Variants in KLHL6 observed in about 807,000 individuals in gnomAD.
The protein encoded by KLHL6 is kelch-like protein 6.
A neutral mutation model predicts 58.6 loss-of-function variants in KLHL6; 41 were observed. That is an observed-to-expected ratio of 0.70 (90% CI 0.55 to 0.91). The LOEUF (loss-of-function observed/expected upper bound fraction) is 0.91. Among genes scored for constraint, KLHL6 ranks in the 40% least tolerant of loss-of-function variants. KLHL6 has a pLI of 0.00. For synonymous variants in KLHL6, 338 were observed against 322.7 expected (o/e 1.05, Z -0.51); for missense variants, 714 against 805.6 (o/e 0.89, Z 1.38).
intron 2 of KLHL6, among the ~76,000 whole-genome samples, chr3:183,510,983 G>A (rs891967203): frequency 6.6e-6 from 1 of 152,224 alleles, no homozygotes; most frequent in African/African-American, 2.4e-5. Flanking sequence ...ACGAGAGACT[G>A]AGAAAAGAAA....
intron 1 of KLHL6, among the ~76,000 whole-genome samples, chr3:183,553,404 C>A (rs947988268): frequency 3.3e-5 from 5 of 152,130 alleles, no homozygotes; most frequent in Admixed American, 6.5e-5. Flanking sequence ...ACACAGCCAG[C>A]GGGCCTGGTC....
intron 1 of KLHL6, among the ~76,000 whole-genome samples, chr3:183,536,081 C>T (rs1056930076): frequency 2.0e-5 from 3 of 152,144 alleles, no homozygotes; most frequent in Admixed American, 1.3e-4. Context: ...GCCCCAAATT[C>T]TTGTTTGGAA....
At position 183,502,302 on chromosome 3, in the gene KLHL6, C is replaced by CAA. The variant is rs56296492; in HGVS notation, c.910-2477_910-2476dup. Among the ~76,000 whole-genome samples the CAA allele has an allele frequency of 6.8e-3, 942 of 138,774 alleles. 14 individuals are homozygous for CAA. Among genetic ancestry groups the CAA allele is most frequent in the Middle Eastern group, 0.023 (6 of 258 alleles). 91.0% of individuals were successfully genotyped at this position (138,774 alleles called of 152,430 possible). On this transcript the variant is annotated intron_variant, in intron 3 of 6. Coordinates refer to ENST00000341319, the MANE Select transcript of KLHL6 (RefSeq NM_130446.4). ...GGGCAACAAGAGCGAAACTCCATCT[C>CAA]AAAAAAAAAAAAAATGAGTGAATGG...
chr3:183,537,449 A>G lies in KLHL6; in HGVS notation c.294-9439T>C, dbSNP rs187723675. Among the ~76,000 whole-genome samples the G allele has an allele frequency of 1.4e-3, 213 of 152,338 alleles. No individual in the cohort carries two copies. The Middle Eastern group carries it at 0.024, about 17-fold the overall frequency. On this transcript the variant is annotated intron_variant, in intron 1 of 6. Coordinates refer to ENST00000341319, the MANE Select transcript of KLHL6 (RefSeq NM_130446.4). ...ATTGTGTAATAAAAACACTTTCTAG[A>G]AAGACACTGACCAATTCTCATGAGA...
At chr3:183,495,983 C>T (rs1717702989) in intron 4 of KLHL6, among the ~76,000 whole-genome samples, 1 of 152,078 alleles carries the variant, frequency 6.6e-6, no homozygotes, top group African/African-American at 2.4e-5. Context: ...TTTTACATTA[C>T]ATTTAAAATA....
chr3:183,500,199 A>G (rs1717833047), intron 3 of KLHL6, among the ~76,000 whole-genome samples: 1 of 152,102 alleles, frequency 6.6e-6, no homozygotes, highest in Non-Finnish European at 1.5e-5. Flanking sequence ...CTGGAATTTT[A>G]TTTGGCGCTA....
Position 183,536,182 on chromosome 3 carries a change from C to T in KLHL6, c.294-8172G>A, listed in dbSNP as rs74764934. On this transcript the variant is annotated intron_variant, in intron 1 of 6. Transcript: ENST00000341319. ...GCAAGCAGACCCCCTCTGCTAGTGA[C>T]GTAAGGGAACAGGGGGGCAAGACAA... Among the ~76,000 whole-genome samples, 393 of 152,154 alleles carry T rather than the reference C, an allele frequency of 2.6e-3. 3 individuals are homozygous for T. The highest frequency in any genetic ancestry group is 8.9e-3 in the African/African-American group (369 of 41,524).
At position 183,494,114 on chromosome 3, in the gene KLHL6, C is replaced by G. The variant is rs755143947; in HGVS notation, c.1315G>C (p.Glu439Gln). 1.2e-6 allele frequency: 2 copies of G among 1,614,188 alleles called. No homozygotes were observed. Among genetic ancestry groups the G allele is most frequent in the South Asian group, 2.2e-5 (2 of 91,074 alleles). Reference protein sequence around the residue: ...FDGLQRINNVETYDPFHNCWS... With the variant: ...FDGLQRINNVQTYDPFHNCWS... The stretch of plus-strand genomic sequence containing the variant: ...CAGTTGTGAAAGGGGTCGTAGGTCT[C>G]CACATTGTTGATTCTCTGTAAGCCG... The change falls in exon 5 of 7, where the codon GAG becomes CAG. Residue 439 changes from glutamate to glutamine, a missense_variant. Coordinates refer to ENST00000341319, the MANE Select transcript of KLHL6 (RefSeq NM_130446.4).
chr3:183,539,912 A>G (rs1009782637), intron 1 of KLHL6, among the ~76,000 whole-genome samples: 1 of 152,320 alleles, frequency 6.6e-6, no homozygotes, highest in East Asian at 1.9e-4. Flanking sequence ...TATGACAGAA[A>G]GAAGGACTTG....
At position 183,499,865 on chromosome 3, in the gene KLHL6, A is replaced by G; in HGVS notation, c.910-38T>C. On this transcript the variant is annotated intron_variant, in intron 3 of 6. Coordinates refer to ENST00000341319, the MANE Select transcript of KLHL6 (RefSeq NM_130446.4). This position sits in a 1 kb window ranked among gnomAD's most constrained non-coding sequence, Gnocchi z 4.6. ...GGGGGTACATGAAGGCAGGGACAAC[A>G]CAAAGTTTCAGAGCTCGGGCTATGG... is the stretch of plus-strand genomic sequence containing the variant. 6.7e-7 allele frequency: 1 copy of G among 1,493,118 alleles called. No homozygotes were observed. The highest frequency in any genetic ancestry group is 1.3e-5 in the South Asian group (1 of 76,296). The allele number at this position is 1,493,118 out of a possible 1,614,324, so 92.5% of individuals were successfully genotyped here. A position where few individuals can be genotyped will look rare whatever the true frequency, so the allele number is the denominator to read the frequency against.
chr3:183,492,199 T>G lies in KLHL6; in HGVS notation c.1594A>C (p.Ser532Arg). The G allele has an allele frequency of 6.2e-7, 1 of 1,611,678 alleles. No homozygotes were observed. Among genetic ancestry groups the G allele is most frequent in the South Asian group, 1.1e-5 (1 of 90,880 alleles). The part of the protein sequence containing the change: ...GGAMRALYAY[S>R]PLEDSWCLVT... ...AGGCACCAGCTGTCTTCCAGCGGGC[T>G]GTAGGCGTACAGCGCTCTCATGGCC... The change falls in exon 7 of 7, where the codon AGC becomes CGC. Residue 532 changes from serine to arginine, a missense_variant. By Grantham distance (110) the Ser-to-Arg change is moderately radical (BLOSUM62 -1). Transcript: ENST00000341319. The surrounding 1 kb of genome is among the most constrained non-coding windows in gnomAD (Gnocchi z 5.9).
At chr3:183,537,306 G>A (rs765203340) in intron 1 of KLHL6, among the ~76,000 whole-genome samples, 16 of 152,118 alleles carry the variant, frequency 1.1e-4, no homozygotes, top group Non-Finnish European at 2.2e-4. Flanking sequence ...AGGAGTTCAA[G>A]GCCTTTTGCG....
At chr3:183,547,498 CCT>C (rs978323050) in intron 1 of KLHL6, among the ~76,000 whole-genome samples, 3 of 152,124 alleles carry the variant, frequency 2.0e-5, no homozygotes, top group South Asian at 2.1e-4. Context: ...TGCTTTGCCC[CCT>C]GTTTTCATTA....
intron 2 of KLHL6, among the ~76,000 whole-genome samples, chr3:183,524,722 G>A (rs1017427066): frequency 2.0e-5 from 3 of 152,204 alleles, no homozygotes; most frequent in African/African-American, 4.8e-5. Context: ...AAGACACTAA[G>A]GGCAGCTGAG....
chr3:183,508,194 G>A lies in KLHL6; in HGVS notation c.774C>T (p.Leu258=), dbSNP rs150275293. ...SERLCLLPYV[L]ENVRLPLLDP... is the part of the protein sequence containing the mutation. ...CCAGAAGCGGTAAGCGCACGTTCTC[G>A]AGGACATAGGGGAGTAAGCAGAGTC... The change falls in exon 3 of 7, where the codon CTC becomes CTT. Residue 258 remains leucine, a synonymous_variant. Transcript: ENST00000341319. The A allele has an allele frequency of 1.6e-3, 2,619 of 1,614,170 alleles. 6 individuals are homozygous for A. The highest frequency in any genetic ancestry group is 2.0e-3 in the Non-Finnish European group (2,353 of 1,180,038).
intron 1 of KLHL6, 139 bp downstream of exon 1, chr3:183,555,221 AT>A: frequency 1.8e-6 from 1 of 568,534 alleles, no homozygotes. Flanking sequence ...CCTTTCTTAT[AT>A]TTTAAGTAGA....
intron 1 of KLHL6, among the ~76,000 whole-genome samples, chr3:183,541,880 CAGG>C (rs754010270): frequency 8.5e-5 from 13 of 152,164 alleles, no homozygotes; most frequent in Non-Finnish European, 1.9e-4. Flanking sequence ...ATAGCCTGGG[CAGG>C]AGAAGGGTTG....
At chr3:183,511,716 C>T (rs556666593) in intron 2 of KLHL6, among the ~76,000 whole-genome samples, 33 of 152,300 alleles carry the variant, frequency 2.2e-4, no homozygotes, top group Non-Finnish European at 3.7e-4. Context: ...GTTAACAAGG[C>T]ACATCCTGCA....
intron 2 of KLHL6, 64 bp downstream of exon 2, chr3:183,527,781 C>T: frequency 2.7e-6 from 4 of 1,498,810 alleles, no homozygotes; most frequent in East Asian, 2.3e-5. Context: ...CCAGGTCTGG[C>T]CTCTGGAGAA....
Sources: gnomAD v4.1 joint callset for allele counts (sites outside exome capture counted in the v4.1 genomes callset) on GRCh38, gnomAD v4.1.1 for gene constraint, Gnocchi (gnomAD v3.1) non-coding constraint, MANE v1.5 for transcripts, NCBI Gene and HGNC (gene_info 2026-07-23, HGNC 2026-07-21) for gene names.